The following LRP1B variants were observed in gnomAD, a reference collection of about 807,000 sequenced individuals.
LRP1B encodes the protein LDL receptor related protein 1B, also known as low-density lipoprotein receptor-related protein 1B.
LRP1B carries 217 observed loss-of-function variants against 556.6 expected under a neutral mutation model. The observed-to-expected ratio is 0.39, with a 90% confidence interval of 0.35 to 0.44. The LOEUF (loss-of-function observed/expected upper bound fraction) is 0.44. LRP1B is among the 20% of genes least tolerant of loss of function. The pLI, the probability that LRP1B is intolerant of heterozygous loss-of-function variation, is 1.00. For missense variants in LRP1B, 5,053 were observed against 5,620.8 expected (o/e 0.90, Z 3.23); for synonymous variants, 2,047 against 1,865.8 (o/e 1.10, Z -2.50).
chr2:140,293,759 A>G (rs1210680447), intron 84 of LRP1B, among the ~76,000 whole-genome samples: 2 of 152,172 alleles, frequency 1.3e-5, no homozygotes, highest in Admixed American at 1.3e-4. Context: ...CCACAGACTT[A>G]TTATGCTGCC....
chr2:141,515,047 A>G (rs1684262684), intron 2 of LRP1B, among the ~76,000 whole-genome samples: 1 of 152,190 alleles, frequency 6.6e-6, no homozygotes, highest in Admixed American at 6.5e-5. Flanking sequence ...TCACGCCTGT[A>G]ATCCCAGCAC....
chr2:140,964,039 G>A (rs1265711505), intron 18 of LRP1B, among the ~76,000 whole-genome samples: 2 of 152,170 alleles, frequency 1.3e-5, no homozygotes, highest in East Asian at 3.9e-4. Flanking sequence ...TTGGATACAA[G>A]GCAGAAGGGG....
chr2:141,240,259 G>A (rs1683813962), intron 5 of LRP1B, among the ~76,000 whole-genome samples: 1 of 151,922 alleles, frequency 6.6e-6, no homozygotes, highest in Admixed American at 6.6e-5. Context: ...GTGCCCAAAG[G>A]GCATTCTCTA....
At chr2:141,254,871 T>C (rs1209713554) in intron 3 of LRP1B, among the ~76,000 whole-genome samples, 1 of 152,096 alleles carries the variant, frequency 6.6e-6, no homozygotes, top group Non-Finnish European at 1.5e-5. Context: ...AGCTTATTAC[T>C]GTGTTCATAG....
rs5834750 is a variant in LRP1B at position 140,485,857 on chromosome 2, A to G, written c.9244-333T>C. Among the ~76,000 whole-genome samples the G allele has an allele frequency of 4.9e-4, 70 of 142,730 alleles. 1 individual carries two copies. Among genetic ancestry groups the G allele is most frequent in the African/African-American group, 2.0e-3 (70 of 34,464 alleles). The allele number at this position is 142,730 out of a possible 152,430, so 93.6% of individuals were successfully genotyped here. ...AATTCTCACGCACATACACACACAC[A>G]CACACACACACACACACACACACAC... On this transcript the variant is annotated intron_variant, in intron 58 of 90. Coordinates refer to ENST00000389484, the MANE Select transcript of LRP1B (RefSeq NM_018557.3).
At chr2:141,914,157 T>G (rs1209622676) in intron 1 of LRP1B, among the ~76,000 whole-genome samples, 1 of 152,168 alleles carries the variant, frequency 6.6e-6, no homozygotes, top group African/African-American at 2.4e-5. Flanking sequence ...AATATCTGAG[T>G]AAGGTAATGT....
At chr2:141,692,979 G>A (rs1378500435) in intron 2 of LRP1B, among the ~76,000 whole-genome samples, 3 of 152,006 alleles carry the variant, frequency 2.0e-5, no homozygotes, top group Non-Finnish European at 2.9e-5. Context: ...GGGAAAATGA[G>A]AGATCCATTG....
At chr2:140,760,039 A>G (rs1688862274) in intron 35 of LRP1B, among the ~76,000 whole-genome samples, 1 of 152,170 alleles carries the variant, frequency 6.6e-6, no homozygotes, top group Non-Finnish European at 1.5e-5. Context: ...TGGTTGGAAG[A>G]AGTTTCTGGC....
chr2:141,827,266 C>A (rs1446829122), intron 1 of LRP1B, among the ~76,000 whole-genome samples: 1 of 152,146 alleles, frequency 6.6e-6, no homozygotes, highest in Non-Finnish European at 1.5e-5. Context: ...GTGTGGCTGG[C>A]TAATTTTTAG....
intron 1 of LRP1B, among the ~76,000 whole-genome samples, chr2:141,982,640 G>A (rs1702075270): frequency 6.6e-6 from 1 of 152,116 alleles, no homozygotes; most frequent in Non-Finnish European, 1.5e-5. Context: ...TTATGTATTT[G>A]TAATCTAAGA....
intron 2 of LRP1B, among the ~76,000 whole-genome samples, chr2:141,631,943 T>A (rs1014244988): frequency 1.3e-5 from 2 of 152,130 alleles, no homozygotes; most frequent in African/African-American, 4.8e-5. Flanking sequence ...GGTTTCAGTC[T>A]GTAACCCAGA....
intron 3 of LRP1B, among the ~76,000 whole-genome samples, chr2:141,348,885 G>A (rs545523026): frequency 2.2e-4 from 33 of 152,088 alleles, no homozygotes; most frequent in African/African-American, 7.0e-4. Context: ...TAAGTCTCAC[G>A]AGAACTGATG....
intron 1 of LRP1B, among the ~76,000 whole-genome samples, chr2:142,053,485 T>C (rs1396675134): frequency 1.3e-5 from 2 of 152,070 alleles, no homozygotes; most frequent in Non-Finnish European, 2.9e-5. Flanking sequence ...TATATACATA[T>C]ATATATATAC....
At chr2:141,712,816 C>A (rs1692414003) in intron 2 of LRP1B, among the ~76,000 whole-genome samples, 1 of 148,830 alleles carries the variant, frequency 6.7e-6, no homozygotes. Context: ...ATTACAGGTG[C>A]CTGCCACCAT....
chr2:141,415,910 T>A (rs1443906541), intron 3 of LRP1B, among the ~76,000 whole-genome samples: 1 of 152,204 alleles, frequency 6.6e-6, no homozygotes, highest in Non-Finnish European at 1.5e-5. Flanking sequence ...GTTATTGATT[T>A]TTACTAACAT....
chr2:141,000,267 T>G (rs1225263290), intron 15 of LRP1B, among the ~76,000 whole-genome samples: 2 of 152,016 alleles, frequency 1.3e-5, no homozygotes, highest in Non-Finnish European at 2.9e-5. Context: ...AATATCTCTG[T>G]GTGTCCTCTC....
At chr2:141,090,559 T>G (rs1248300816) in intron 7 of LRP1B, among the ~76,000 whole-genome samples, 1 of 152,238 alleles carries the variant, frequency 6.6e-6, no homozygotes, top group Non-Finnish European at 1.5e-5. Flanking sequence ...AGTTTCAACA[T>G]TCTACATTTC....
chr2:141,266,317 C>G (rs1276889102), intron 3 of LRP1B, among the ~76,000 whole-genome samples: 4 of 126,274 alleles, frequency 3.2e-5, no homozygotes, highest in African/African-American at 1.2e-4. Context: ...GAGCGAGACT[C>G]TGTTTCAAAA....
intron 2 of LRP1B, among the ~76,000 whole-genome samples, chr2:141,787,604 T>C (rs1322283417): frequency 6.6e-6 from 1 of 151,040 alleles, no homozygotes; most frequent in African/African-American, 2.4e-5. Context: ...TGACTACAAA[T>C]AGAAAAAAAA....
Sources: gnomAD v4.1 joint callset for allele counts (sites outside exome capture counted in the v4.1 genomes callset) on GRCh38, gnomAD v4.1.1 for gene constraint, MANE v1.5 for transcripts, NCBI Gene and HGNC (gene_info 2026-07-23, HGNC 2026-07-21) for gene names.